FMN1: variants seen among roughly 807,000 people sequenced by gnomAD.
FMN1 encodes formin 1, also known as formin-1.
A neutral mutation model predicts 132.4 loss-of-function variants in FMN1; 110 were observed. The observed-to-expected ratio is 0.83, with a 90% confidence interval of 0.71 to 0.97. The LOEUF is 0.97. Among genes scored for constraint, FMN1 ranks in the 50% least tolerant of loss-of-function variants. The pLI, the probability that FMN1 is intolerant of heterozygous loss-of-function variation, is 0.00. For missense variants in FMN1, 1,792 were observed against 1,705.3 expected, an observed-to-expected ratio of 1.05 and a Z score of -0.90; for synonymous variants, 722 against 651.7, an observed-to-expected ratio of 1.11 and a Z score of -1.64.
chr15:32,947,954 T>A (rs374276121), intron 9 of FMN1, among the ~76,000 whole-genome samples: 3 of 152,030 alleles, frequency 2.0e-5, no homozygotes, highest in African/African-American at 7.2e-5. Flanking sequence ...TTCTTTGCCT[T>A]ATTACACTTG....
At position 33,125,029 on chromosome 15, in the gene FMN1, ACT is replaced by A. The variant is rs137910789; in HGVS notation, c.1867+28017_1867+28018del. The stretch of plus-strand genomic sequence containing the variant: ...AAAATCCCTTCTCGCATCCATGTCT[ACT>A]CTATCATGGAATGCTTAAACAATTT... On this transcript the variant is annotated intron_variant, in intron 4 of 20. Coordinates refer to ENST00000616417, the MANE Select transcript of FMN1 (RefSeq NM_001277313.2). 5.0e-3 allele frequency among the ~76,000 whole-genome samples: 765 copies of A among 152,100 alleles called. 3 individuals are homozygous for A. Among genetic ancestry groups the A allele is most frequent in the African/African-American group, 0.018 (744 of 41,470 alleles).
rs527786399 is a variant in FMN1 at position 32,813,933 on chromosome 15, C to CCAAA, written c.3929-9605_3929-9602dup. On this transcript the variant is annotated intron_variant, in intron 17 of 20. Transcript: ENST00000616417. ...GGGGCAGCATTTTTCTCCAGGATTC[C>CCAAA]CAAACACCGAGGTGGTATTTTGAAG... Among the ~76,000 whole-genome samples, 26 of 152,306 alleles carry CCAAA rather than the reference C, an allele frequency of 1.7e-4. 1 individual carries two copies. In the East Asian group the frequency reaches 3.3e-3, roughly 19 times the overall value.
Position 32,783,784 on chromosome 15 carries a change from A to AAAAAAAAAAAG in FMN1, c.4131-6866_4131-6865insCTTTTTTTTTT, listed in dbSNP as rs1491184174. The stretch of plus-strand genomic sequence containing the variant: ...AAAAAAAAAAAAAAAAAAAAAAAAA[A>AAAAAAAAAAAG]TAGTTGAAGTGGCGTGGCTTTCCAT... On this transcript the variant is annotated intron_variant, in intron 19 of 20. Coordinates refer to ENST00000616417, the MANE Select transcript of FMN1 (RefSeq NM_001277313.2). Among the ~76,000 whole-genome samples, 8 of 105,868 alleles carry AAAAAAAAAAAG rather than the reference A, an allele frequency of 7.6e-5. 4 individuals carry two copies. The South Asian group carries it at 1.3e-3, about 17-fold the overall frequency. 69.5% of individuals were successfully genotyped at this position (105,868 alleles called of 152,430 possible). A position where few individuals can be genotyped will look rare whatever the true frequency, so the allele number is the denominator to read the frequency against.
At chr15:32,866,059 C>G (rs1390485512) in intron 16 of FMN1, among the ~76,000 whole-genome samples, 1 of 151,544 alleles carries the variant, frequency 6.6e-6, no homozygotes, top group African/African-American at 2.4e-5. Context: ...TGAGGAACAT[C>G]ACACAACGGG....
intron 10 of FMN1, among the ~76,000 whole-genome samples, chr15:32,916,576 G>C (rs16961078): frequency 0.013 from 2,007 of 152,270 alleles, 43 homozygotes; most frequent in African/African-American, 0.046. Context: ...TGGCTCACCA[G>C]GTTTCGGCTG....
In FMN1 at chr15:32,848,242, A is replaced by T. The variant is rs117028772; in HGVS notation, c.3928+8773T>A. Among the ~76,000 whole-genome samples the T allele has an allele frequency of 2.5e-4, 38 of 152,338 alleles. No individual in the cohort carries two copies. In the East Asian group the frequency reaches 7.1e-3, roughly 29 times the overall value. ...ACATCACAAAAGTGTGACGCCTGAA[A>T]CTGAAGTGATGATGGAAGCATGAGC... On this transcript the variant is annotated intron_variant, in intron 17 of 20. Coordinates refer to ENST00000616417, the MANE Select transcript of FMN1 (RefSeq NM_001277313.2).
intron 17 of FMN1, among the ~76,000 whole-genome samples, chr15:32,809,211 A>G (rs1408741491): frequency 1.3e-5 from 2 of 152,122 alleles, no homozygotes; most frequent in African/African-American, 4.8e-5. Flanking sequence ...CCCCAATACC[A>G]AATAAAAGAC....
At chr15:33,138,165 A>G (rs141286479) in intron 4 of FMN1, among the ~76,000 whole-genome samples, 1 of 152,302 alleles carries the variant, frequency 6.6e-6, no homozygotes, top group Non-Finnish European at 1.5e-5. Flanking sequence ...AAAGTGATGA[A>G]GGCACATGAG....
At chr15:32,859,890 T>G (rs1334416918) in intron 16 of FMN1, among the ~76,000 whole-genome samples, 1 of 152,042 alleles carries the variant, frequency 6.6e-6, no homozygotes, top group Admixed American at 6.6e-5. Context: ...TTTTTTAAGT[T>G]ATCCAGGCAT....
intron 8 of FMN1, 56 bp from the exon 9 acceptor site, chr15:32,964,313 T>A: frequency 8.3e-7 from 1 of 1,210,366 alleles, no homozygotes; most frequent in Non-Finnish European, 1.2e-6. Context: ...AGGAATGTAA[T>A]ACAATGAAAT....
chr15:33,100,616 T>TG (rs1280774445), intron 4 of FMN1, among the ~76,000 whole-genome samples: 1 of 152,188 alleles, frequency 6.6e-6, no homozygotes, highest in African/African-American at 2.4e-5. Context: ...ATTTACTATT[T>TG]GGTTTTACAG....
chr15:32,981,209 T>C (rs1479113539), intron 7 of FMN1, among the ~76,000 whole-genome samples: 1 of 152,128 alleles, frequency 6.6e-6, no homozygotes, highest in Non-Finnish European at 1.5e-5. Flanking sequence ...AATTAAATTC[T>C]GACTGGGTGC....
At chr15:33,121,879 A>G (rs1449748591) in intron 4 of FMN1, among the ~76,000 whole-genome samples, 1 of 152,220 alleles carries the variant, frequency 6.6e-6, no homozygotes, top group Non-Finnish European at 1.5e-5. Context: ...TGAAAACAAA[A>G]AGAAAGCAGT....
intron 7 of FMN1, among the ~76,000 whole-genome samples, chr15:32,973,193 A>G (rs1001279386): frequency 6.6e-6 from 1 of 152,216 alleles, no homozygotes; most frequent in African/African-American, 2.4e-5. Flanking sequence ...GCAGACTAAC[A>G]TGAACTTTTT....
chr15:32,964,016 T>TATATATACACACAC, intron 9 of FMN1, 91 bp downstream of exon 9: 1 of 506,190 alleles, frequency 2.0e-6, no homozygotes, highest in African/African-American at 2.1e-5. Context: ...GTATATACGA[T>TATATATACACACAC]ACACACACAC....
intron 6 of FMN1, among the ~76,000 whole-genome samples, chr15:33,051,434 A>AG (rs1171580408): frequency 6.6e-6 from 1 of 152,080 alleles, no homozygotes; most frequent in Non-Finnish European, 1.5e-5. Flanking sequence ...AGGGCAGGAG[A>AG]GGGTCCCCTG....
At chr15:33,084,843 G>A (rs1029253036) in intron 5 of FMN1, among the ~76,000 whole-genome samples, 3 of 152,194 alleles carry the variant, frequency 2.0e-5, no homozygotes, top group Admixed American at 6.5e-5. Context: ...ACTCACGGAT[G>A]CCAACTCCCA....
intron 3 of FMN1, among the ~76,000 whole-genome samples, chr15:33,171,530 A>G (rs927380984): frequency 2.6e-5 from 4 of 152,216 alleles, no homozygotes; most frequent in African/African-American, 9.6e-5. Context: ...GGAACATTAA[A>G]TGTTTCAGGA....
chr15:33,017,189 G>A (rs1008219620), intron 6 of FMN1, among the ~76,000 whole-genome samples: 1 of 151,880 alleles, frequency 6.6e-6, no homozygotes, highest in Admixed American at 6.6e-5. Flanking sequence ...GGAATCAGTG[G>A]AGCGACAGGG....
Sources: gnomAD v4.1 joint callset for allele counts (sites outside exome capture counted in the v4.1 genomes callset) on GRCh38, gnomAD v4.1.1 for gene constraint, MANE v1.5 for transcripts, NCBI Gene and HGNC (gene_info 2026-07-23, HGNC 2026-07-21) for gene names.